Variants in DSCAML1 observed in about 807,000 individuals in gnomAD.
DSCAML1 encodes DS cell adhesion molecule like 1, also known as cell adhesion molecule DSCAML1.
DSCAML1 carries 38 observed loss-of-function variants against 200.5 expected under a neutral mutation model. The observed-to-expected ratio is 0.19, with a 90% CI of 0.15 to 0.25. DSCAML1 has a LOEUF of 0.25. Ranked by LOEUF, DSCAML1 falls within the 10% of genes least tolerant of loss-of-function variation. The pLI is 1.00. For synonymous variants in DSCAML1, 1,215 were observed against 1,165.0 expected (o/e 1.04, Z -0.87); for missense variants, 2,223 against 2,858.8 (o/e 0.78, Z 5.07).
chr11:117,663,480 CTAGAATCCA>C (rs1276318647), intron 3 of DSCAML1, among the ~76,000 whole-genome samples: 1 of 151,972 alleles, frequency 6.6e-6, no homozygotes, highest in Non-Finnish European at 1.5e-5. Flanking sequence ...AGTGGAAGGG[CTAGAATCCA>C]TGGCAGGAAG....
At chr11:117,753,662 G>T (rs902848046) in intron 3 of DSCAML1, among the ~76,000 whole-genome samples, 1 of 152,174 alleles carries the variant, frequency 6.6e-6, no homozygotes, top group Non-Finnish European at 1.5e-5. Context: ...AAGTTGCCAC[G>T]ATTCAGTCAT....
intron 11 of DSCAML1, among the ~76,000 whole-genome samples, chr11:117,494,782 G>A (rs1040365211): frequency 1.3e-5 from 2 of 152,202 alleles, no homozygotes; most frequent in African/African-American, 4.8e-5. Context: ...CCACATAGAG[G>A]GAAGAGGATG....
At chr11:117,461,403 C>T (rs1198289936) in intron 18 of DSCAML1, 47 bp downstream of exon 18, 3 of 1,612,750 alleles carry the variant, frequency 1.9e-6, no homozygotes, top group East Asian at 4.5e-5. Flanking sequence ...ACTCCACTGA[C>T]CTGCGCCTCT....
At chr11:117,524,438 G>A (rs1436103874) in intron 5 of DSCAML1, among the ~76,000 whole-genome samples, 1 of 152,198 alleles carries the variant, frequency 6.6e-6, no homozygotes, top group Non-Finnish European at 1.5e-5. Flanking sequence ...TACAAGCCCG[G>A]AAGCCCTGCC....
intron 11 of DSCAML1, among the ~76,000 whole-genome samples, chr11:117,499,417 T>C (rs1302267299): frequency 6.6e-6 from 1 of 152,116 alleles, no homozygotes; most frequent in Non-Finnish European, 1.5e-5. Context: ...CCTCTCACTG[T>C]ATGGATGAGG....
chr11:117,740,602 G>A (rs943545709), intron 3 of DSCAML1, among the ~76,000 whole-genome samples: 1 of 152,072 alleles, frequency 6.6e-6, no homozygotes, highest in Admixed American at 6.5e-5. Context: ...TACTGATGCT[G>A]TCAACCCCCT....
intron 18 of DSCAML1, among the ~76,000 whole-genome samples, chr11:117,460,104 G>A (rs1430058691): frequency 6.6e-6 from 1 of 152,228 alleles, no homozygotes; most frequent in Non-Finnish European, 1.5e-5. Flanking sequence ...ATTCCTTAGG[G>A]GCTAAGCTGG....
At chr11:117,661,273 T>C (rs1591373417) in intron 3 of DSCAML1, among the ~76,000 whole-genome samples, 1 of 152,210 alleles carries the variant, frequency 6.6e-6, no homozygotes, top group East Asian at 1.9e-4. Flanking sequence ...CTCAGAGGAC[T>C]ACAGACCTCG....
intron 3 of DSCAML1, among the ~76,000 whole-genome samples, chr11:117,739,708 A>G (rs994844248): frequency 2.9e-4 from 44 of 152,224 alleles, no homozygotes; most frequent in African/African-American, 1.0e-3. Flanking sequence ...GATGGGCTGC[A>G]TGGCCATTAG....
intron 3 of DSCAML1, among the ~76,000 whole-genome samples, chr11:117,674,457 G>A (rs1022803933): frequency 1.3e-5 from 2 of 152,192 alleles, no homozygotes; most frequent in Non-Finnish European, 2.9e-5. Context: ...GAACTGCCAT[G>A]ATCCTCTCAG....
At chr11:117,609,969 C>T (rs944008112) in intron 3 of DSCAML1, among the ~76,000 whole-genome samples, 2 of 152,138 alleles carry the variant, frequency 1.3e-5, no homozygotes, top group African/African-American at 4.8e-5. Context: ...TCAGAACCTA[C>T]ACTGATGTTT....
At chr11:117,674,819 G>T (rs1323842315) in intron 3 of DSCAML1, among the ~76,000 whole-genome samples, 1 of 152,134 alleles carries the variant, frequency 6.6e-6, no homozygotes, top group African/African-American at 2.4e-5. Flanking sequence ...GTGACTTTGG[G>T]CAAATCAGAT....
chr11:117,624,852 T>C (rs1262063425), intron 3 of DSCAML1, among the ~76,000 whole-genome samples: 1 of 152,118 alleles, frequency 6.6e-6, no homozygotes, highest in African/African-American at 2.4e-5. Context: ...GATTAATTTG[T>C]GGCTTGGCAG....
At chr11:117,715,174 G>A (rs1395931279) in intron 3 of DSCAML1, among the ~76,000 whole-genome samples, 2 of 151,818 alleles carry the variant, frequency 1.3e-5, no homozygotes, top group African/African-American at 4.8e-5. Context: ...TTTCTTCAGG[G>A]CTTTTTGGTT....
chr11:117,545,237 ACACACACAC>A (rs1565779394), intron 3 of DSCAML1, among the ~76,000 whole-genome samples: 2,551 of 99,748 alleles, frequency 0.026, 97 homozygotes, highest in African/African-American at 0.086. Flanking sequence ...AAAAAAAAAC[ACACACACAC>A]ACACACACAC....
chr11:117,470,099 A>C, intron 15 of DSCAML1, 119 bp from the exon 16 acceptor site: 44 of 832,066 alleles, frequency 5.3e-5, no homozygotes, highest in Non-Finnish European at 7.2e-5. Context: ...GACTAAGCTC[A>C]GATGCAGATA....
chr11:117,588,450 C>T (rs762325368), intron 3 of DSCAML1, among the ~76,000 whole-genome samples: 2 of 152,218 alleles, frequency 1.3e-5, no homozygotes, highest in African/African-American at 2.4e-5. Flanking sequence ...ACACGGGTAG[C>T]AGCTCCCAAA....
intron 3 of DSCAML1, among the ~76,000 whole-genome samples, chr11:117,766,298 C>T (rs2054897208): frequency 6.6e-6 from 1 of 152,200 alleles, no homozygotes; most frequent in Non-Finnish European, 1.5e-5. Flanking sequence ...TTGGCTTCTT[C>T]TGAATAAATG....
intron 3 of DSCAML1, among the ~76,000 whole-genome samples, chr11:117,774,680 C>G (rs535780671): frequency 1.5e-3 from 221 of 152,294 alleles, no homozygotes; most frequent in Non-Finnish European, 2.6e-3. Flanking sequence ...CTACAGTACA[C>G]ATTTAAAGCC....
Sources: allele counts gnomAD v4.1 joint callset (sites outside exome capture counted in the v4.1 genomes callset), GRCh38; gene constraint gnomAD v4.1.1; transcripts MANE v1.5; gene names NCBI Gene and HGNC (gene_info 2026-07-23, HGNC 2026-07-21).